Variants in LRFN2 observed in about 807,000 individuals in gnomAD.
The protein encoded by LRFN2 is leucine-rich repeat and fibronectin type-III domain-containing protein 2.
A neutral mutation model predicts 37.3 loss-of-function variants in LRFN2; 18 were observed. The observed-to-expected ratio is 0.48, with a 90% CI of 0.33 to 0.72. LRFN2 has a LOEUF of 0.72. Ranked by LOEUF, LRFN2 falls within the 30% of genes least tolerant of loss-of-function variation. The pLI, the probability that LRFN2 is intolerant of heterozygous loss-of-function variation, is 0.02. For missense variants in LRFN2, 1,006 were observed against 1,060.7 expected, an observed-to-expected ratio of 0.95 and a Z score of 0.72; for synonymous variants, 556 against 466.6, an observed-to-expected ratio of 1.19 and a Z score of -2.47.
chr6:40,451,117 T>C (rs764830166), intron 1 of LRFN2, among the ~76,000 whole-genome samples: 35 of 152,348 alleles, frequency 2.3e-4, no homozygotes, highest in Non-Finnish European at 4.6e-4. Context: ...GGAGGTTTTG[T>C]TTGTTTTACT....
chr6:40,469,085 A>G (rs1211192486), intron 1 of LRFN2, among the ~76,000 whole-genome samples: 1 of 152,200 alleles, frequency 6.6e-6, no homozygotes, highest in Non-Finnish European at 1.5e-5. Context: ...TGGGCCCTAA[A>G]TCCCATGACA....
chr6:40,415,418 G>T (rs1272459542), intron 2 of LRFN2, among the ~76,000 whole-genome samples: 1 of 151,972 alleles, frequency 6.6e-6, no homozygotes, highest in African/African-American at 2.4e-5. Flanking sequence ...TAGAGACGAG[G>T]TTTCACCATG....
intron 1 of LRFN2, among the ~76,000 whole-genome samples, chr6:40,585,738 G>A (rs76439921): frequency 0.084 from 12,755 of 152,122 alleles, 719 homozygotes; most frequent in Non-Finnish European, 0.11. Context: ...CCCAGCAGCA[G>A]GGGGTCAAAT....
intron 1 of LRFN2, chr6:40,501,591 G>A (rs1272530652): frequency 1.3e-5 from 2 of 151,816 alleles, no homozygotes; most frequent in Non-Finnish European, 1.5e-5. Flanking sequence ...CCCTCCTAAA[G>A]TACTGGGATT....
intron 1 of LRFN2, among the ~76,000 whole-genome samples, chr6:40,535,063 T>C (rs1194093802): frequency 6.6e-6 from 1 of 152,116 alleles, no homozygotes; most frequent in East Asian, 1.9e-4. Context: ...TTACCTTCCT[T>C]GGGCAGCTGC....
chr6:40,575,363 A>G (rs1185660306), intron 1 of LRFN2, among the ~76,000 whole-genome samples: 3 of 151,482 alleles, frequency 2.0e-5, no homozygotes, highest in African/African-American at 4.8e-5. Context: ...ACACAAAGGC[A>G]GTCCTGAGAG....
chr6:40,542,177 A>T (rs1268200337), intron 1 of LRFN2, among the ~76,000 whole-genome samples: 1 of 152,198 alleles, frequency 6.6e-6, no homozygotes, highest in South Asian at 2.1e-4. Context: ...GTGTACTGGC[A>T]TCAACTCTGA....
chr6:40,473,687 T>G (rs1041599695), intron 1 of LRFN2, among the ~76,000 whole-genome samples: 2 of 152,142 alleles, frequency 1.3e-5, no homozygotes, highest in Non-Finnish European at 2.9e-5. Context: ...ATCTAGAATT[T>G]AAGCCCCACA....
rs144257474 is a variant in LRFN2 at position 40,447,345 on chromosome 6, C to T, written c.-18-14214G>A. ...TACCTTTAAAGTTGTGGTAATGTTA[C>T]GACATTAACCTCAAACTCAGAATTC... is the stretch of plus-strand genomic sequence containing the variant. On this transcript the variant is annotated intron_variant, in intron 1 of 2. Transcript: ENST00000338305. Among the ~76,000 whole-genome samples the T allele has an allele frequency of 7.9e-5, 12 of 152,240 alleles. No homozygotes were observed. The Middle Eastern group carries it at 0.014, about 173-fold the overall frequency.
intron 2 of LRFN2, among the ~76,000 whole-genome samples, chr6:40,429,210 A>C (rs1044484395): frequency 2.0e-5 from 3 of 152,202 alleles, no homozygotes; most frequent in Admixed American, 6.5e-5. Context: ...TCATCAAATA[A>C]AAGTAATTTG....
At chr6:40,529,310 C>A (rs2113908072) in intron 1 of LRFN2, among the ~76,000 whole-genome samples, 1 of 152,216 alleles carries the variant, frequency 6.6e-6, no homozygotes, top group South Asian at 2.1e-4. Context: ...AACGGAATTT[C>A]CCACCAACTC....
intron 2 of LRFN2, among the ~76,000 whole-genome samples, chr6:40,402,096 T>C (rs1430749660): frequency 6.6e-6 from 1 of 152,204 alleles, no homozygotes; most frequent in Non-Finnish European, 1.5e-5. Context: ...AAGGGACCTG[T>C]TTGCTTTCAT....
rs753117275 is a variant in LRFN2 at position 40,392,603 on chromosome 6, C to T, written c.1710G>A (p.Ala570=). 2.3e-5 allele frequency: 37 copies of T among 1,609,402 alleles called. No individual in the cohort carries two copies. The highest frequency in any genetic ancestry group is 4.5e-5 in the East Asian group (2 of 44,886). ...CNHEAPSKMA[A]AVSNVYSQTN... ...TCTGCGAGTACACATTGCTCACGGC[C>T]GCTGCCATCTTGCTGGGGGCCTCGT... is the stretch of plus-strand genomic sequence containing the variant. The change falls in exon 3 of 3, where the codon GCG becomes GCA. Residue 570 remains alanine (A), a synonymous_variant. Coordinates refer to ENST00000338305, the MANE Select transcript of LRFN2 (RefSeq NM_020737.3). This position sits in a 1 kb window ranked among gnomAD's most constrained non-coding sequence, Gnocchi z 4.7.
chr6:40,482,942 G>T (rs1332173801), intron 1 of LRFN2, among the ~76,000 whole-genome samples: 13 of 152,268 alleles, frequency 8.5e-5, no homozygotes, highest in Admixed American at 8.5e-4. Context: ...GCCACTGCCA[G>T]CTCCCTGTCC....
At chr6:40,439,729 G>A (rs34069550) in intron 1 of LRFN2, among the ~76,000 whole-genome samples, 6,417 of 152,284 alleles carry the variant, frequency 0.042, 192 homozygotes, top group Middle Eastern at 0.085. Context: ...AAGCCACCAT[G>A]TATAGAGATT....
intron 2 of LRFN2, among the ~76,000 whole-genome samples, chr6:40,396,266 G>A (rs1762612086): frequency 6.6e-6 from 1 of 152,054 alleles, no homozygotes; most frequent in East Asian, 1.9e-4. Context: ...CCTGCCCAAG[G>A]AGGCCCAGCT....
At chr6:40,411,070 A>C (rs1422424373) in intron 2 of LRFN2, among the ~76,000 whole-genome samples, 2 of 152,234 alleles carry the variant, frequency 1.3e-5, no homozygotes, top group Non-Finnish European at 2.9e-5. Flanking sequence ...AATCATGTAA[A>C]TAAATCACGT....
At chr6:40,399,510 T>C (rs1762691073) in intron 2 of LRFN2, among the ~76,000 whole-genome samples, 1 of 145,096 alleles carries the variant, frequency 6.9e-6, no homozygotes, top group African/African-American at 2.5e-5. Flanking sequence ...ATCTCTCGGC[T>C]CACTGCAACC....
chr6:40,417,653 C>T (rs1561845484), intron 2 of LRFN2, among the ~76,000 whole-genome samples: 2 of 152,254 alleles, frequency 1.3e-5, no homozygotes, highest in East Asian at 1.9e-4. Flanking sequence ...TCCAAAACTC[C>T]TCTCCACTCA....
Sources: gnomAD v4.1 joint callset for allele counts (sites outside exome capture counted in the v4.1 genomes callset) on GRCh38, gnomAD v4.1.1 for gene constraint, Gnocchi (gnomAD v3.1) non-coding constraint, MANE v1.5 for transcripts, NCBI Gene and HGNC (gene_info 2026-07-23, HGNC 2026-07-21) for gene names.